Variants in FRMD3 observed in about 807,000 individuals in gnomAD.
FRMD3 encodes FERM domain containing 3, also known as FERM domain-containing protein 3.
A neutral mutation model predicts 70.2 loss-of-function variants in FRMD3; 33 were observed. The ratio of observed to expected loss-of-function variants is 0.47; its 90% CI spans 0.36 to 0.63. FRMD3 has a LOEUF of 0.63. Ranked by LOEUF, FRMD3 falls within the 20% of genes least tolerant of loss-of-function variation. The pLI is 0.00. For missense variants in FRMD3, 632 were observed against 711.4 expected, an observed-to-expected ratio of 0.89 and a Z score of 1.27; for synonymous variants, 279 against 255.9, an observed-to-expected ratio of 1.09 and a Z score of -0.86.
intron 6 of FRMD3, among the ~76,000 whole-genome samples, chr9:83,316,167 T>C (rs1835566639): frequency 6.8e-6 from 1 of 147,230 alleles, no homozygotes; most frequent in Non-Finnish European, 1.5e-5. Flanking sequence ...TTTTCTTTTT[T>C]TTTTTTTTTG....
chr9:83,372,687 T>TG lies in FRMD3; in HGVS notation c.295+225dup, dbSNP rs551535285. On this transcript the variant is annotated intron_variant, in intron 3 of 13. Transcript: ENST00000304195. ...TCAGATATCAAATATGAGGGCAAGATGGGGGGGAGGGAGAGAGGCCCAGGA... is the reference window on the plus strand; with the variant it reads ...TCAGATATCAAATATGAGGGCAAGATGGGGGGGGAGGGAGAGAGGCCCAGGA... Among the ~76,000 whole-genome samples the TG allele has an allele frequency of 4.5e-3, 677 of 152,094 alleles. 6 individuals carry two copies. The highest frequency in any genetic ancestry group is 4.7e-3 in the Non-Finnish European group (320 of 67,966).
chr9:83,415,333 A>G (rs1273533209), intron 1 of FRMD3, among the ~76,000 whole-genome samples: 1 of 152,212 alleles, frequency 6.6e-6, no homozygotes. Flanking sequence ...AGAGATCTGG[A>G]ACACCATTGC....
Position 83,311,988 on chromosome 9 carries a change from A to AG in FRMD3, c.685-14_685-13insC. ...TGCCTGTTGAATCCTGAAAAAAAAA[A>AG]AAAAGAAAAAAGAAAAATCTGTTTA... On this transcript the variant is annotated splice_polypyrimidine_tract_variant and intron_variant, in intron 7 of 13. Coordinates refer to ENST00000304195, the MANE Select transcript of FRMD3 (RefSeq NM_174938.6). 1 of 1,542,930 alleles carries AG rather than the reference A, an allele frequency of 6.5e-7. No homozygotes were observed.
the FRMD3 span, among the ~76,000 whole-genome samples, chr9:83,548,078 C>T: frequency 1.3e-5 from 2 of 152,170 alleles, no homozygotes. Context: ...ATACCAAATG[C>T]TAGTGAGAAC....
At chr9:83,448,901 C>T (rs1827558652) in intron 1 of FRMD3, among the ~76,000 whole-genome samples, 1 of 152,210 alleles carries the variant, frequency 6.6e-6, no homozygotes, top group South Asian at 2.1e-4. Context: ...ACAGCAACCT[C>T]ATTGCAAATT....
At chr9:83,346,154 G>A (rs1010720426) in intron 4 of FRMD3, among the ~76,000 whole-genome samples, 1 of 150,446 alleles carries the variant, frequency 6.6e-6, no homozygotes, top group Non-Finnish European at 1.5e-5. Flanking sequence ...TACTTGGGAG[G>A]TTGAGGCAGG....
At chr9:83,397,787 C>G (rs12000280) in intron 1 of FRMD3, among the ~76,000 whole-genome samples, 1,731 of 152,248 alleles carry the variant, frequency 0.011, 28 homozygotes, top group African/African-American at 0.038. Context: ...ACAGAATTGT[C>G]TCTGGTGATT....
At chr9:83,393,852 G>T (rs1260620023) in intron 1 of FRMD3, among the ~76,000 whole-genome samples, 2 of 151,942 alleles carry the variant, frequency 1.3e-5, no homozygotes, top group Non-Finnish European at 2.9e-5. Context: ...GAGGCCCGGG[G>T]ATTGGATCCC....
the FRMD3 span, among the ~76,000 whole-genome samples, chr9:83,573,953 G>A: frequency 0.035 from 5,308 of 152,186 alleles, 332 homozygotes; most frequent in African/African-American, 0.12. Flanking sequence ...CACTGTAAGC[G>A]TGTGATTAAA....
chr9:83,438,413 T>TTTGTATTG (rs1554705416), intron 1 of FRMD3, among the ~76,000 whole-genome samples: 1 of 151,128 alleles, frequency 6.6e-6, no homozygotes, highest in African/African-American at 2.4e-5. Context: ...GAGAGTTTTT[T>TTTGTATTG]TTTTGTTTTG....
In FRMD3 at chr9:83,464,225, G is replaced by A. The variant is rs1245050654; in HGVS notation, c.147+73860C>T. Among the ~76,000 whole-genome samples, 6 of 152,296 alleles carry A rather than the reference G, an allele frequency of 3.9e-5. 1 individual carries two copies. The East Asian group carries it at 9.7e-4, about 25-fold the overall frequency. Reference sequence around the variant, plus strand: ...ATTTAACAGCTTCTTTATCTGGGCTGGCAAAGAACGGTGTGTTCTGATCAG... The same window carrying A: ...ATTTAACAGCTTCTTTATCTGGGCTAGCAAAGAACGGTGTGTTCTGATCAG... On this transcript the variant is annotated intron_variant, in intron 1 of 13. Transcript: ENST00000304195.
intron 1 of FRMD3, among the ~76,000 whole-genome samples, chr9:83,485,008 A>G (rs1828655798): frequency 1.3e-5 from 2 of 152,256 alleles, no homozygotes; most frequent in South Asian, 4.1e-4. Context: ...CTGGAGGTCT[A>G]TCGTAATTCT....
intron 1 of FRMD3, among the ~76,000 whole-genome samples, chr9:83,518,870 T>C (rs1829510176): frequency 1.3e-5 from 2 of 152,268 alleles, no homozygotes; most frequent in African/African-American, 2.4e-5. Flanking sequence ...TTGACAAACC[T>C]GACAAAAACA....
intron 1 of FRMD3, among the ~76,000 whole-genome samples, chr9:83,399,728 AC>A: frequency 6.6e-6 from 1 of 152,318 alleles, no homozygotes; most frequent in South Asian, 2.1e-4. Context: ...GGTTATTATA[AC>A]CACATTTTTT....
chr9:83,560,087 A>G, the FRMD3 span, among the ~76,000 whole-genome samples: 1 of 152,234 alleles, frequency 6.6e-6, no homozygotes, highest in Non-Finnish European at 1.5e-5. Context: ...AAAATACATT[A>G]TCCTCTTCAT....
At chr9:83,472,966 C>T (rs571835870) in intron 1 of FRMD3, among the ~76,000 whole-genome samples, 28 of 152,274 alleles carry the variant, frequency 1.8e-4, no homozygotes, top group Admixed American at 9.1e-4. Context: ...CCTTCTACAG[C>T]CACCAACCCT....
the FRMD3 span, among the ~76,000 whole-genome samples, chr9:83,578,454 C>T: frequency 6.6e-6 from 1 of 151,852 alleles, no homozygotes; most frequent in Non-Finnish European, 1.5e-5. Flanking sequence ...AATTCAATCA[C>T]ATATCAAAAC....
intron 6 of FRMD3, 132 bp from the exon 7 acceptor site, chr9:83,313,879 A>G (rs921982643): frequency 1.5e-6 from 1 of 648,684 alleles, no homozygotes; most frequent in Admixed American, 2.8e-5. Flanking sequence ...GTAATCAGTA[A>G]GACTGATCAT....
At chr9:83,442,799 CCCTCT>C (rs1827342009) in intron 1 of FRMD3, among the ~76,000 whole-genome samples, 1 of 152,102 alleles carries the variant, frequency 6.6e-6, no homozygotes, top group African/African-American at 2.4e-5. Flanking sequence ...CTTTCATCTC[CCCTCT>C]CCTCCCCATC....
Sources: allele counts gnomAD v4.1 joint callset (sites outside exome capture counted in the v4.1 genomes callset), GRCh38; gene constraint gnomAD v4.1.1; transcripts MANE v1.5; gene names NCBI Gene and HGNC (gene_info 2026-07-23, HGNC 2026-07-21).